The following TRIM37 variants were observed in gnomAD, a reference collection of about 807,000 sequenced individuals.
TRIM37 encodes the protein E3 ubiquitin-protein ligase TRIM37.
Under a neutral mutation model 129.8 loss-of-function variants are expected in TRIM37, and 80 were observed. The observed-to-expected ratio is 0.62, with a 90% CI of 0.51 to 0.74. TRIM37 has a LOEUF of 0.74. Among genes scored for constraint, TRIM37 ranks in the 30% least tolerant of loss-of-function variants. The probability of loss-of-function intolerance (pLI) is 0.00; values close to 1 mark genes in which losing one functional copy is unlikely to be tolerated. For missense variants in TRIM37, 1,054 were observed against 1,176.5 expected, an observed-to-expected ratio of 0.90 and a Z score of 1.52; for synonymous variants, 389 against 387.1, an observed-to-expected ratio of 1.00 and a Z score of -0.06.
chr17:59,089,411 A>ATGAG (rs2044076151), intron 3 of TRIM37, among the ~76,000 whole-genome samples: 1 of 152,140 alleles, frequency 6.6e-6, no homozygotes, highest in Non-Finnish European at 1.5e-5. Context: ...GGGAGGCCAC[A>ATGAG]GCGGGTGGAT....
the TRIM37 span, among the ~76,000 whole-genome samples, chr17:58,971,592 G>T: frequency 6.6e-6 from 1 of 152,172 alleles, no homozygotes; most frequent in Non-Finnish European, 1.5e-5. Flanking sequence ...GTACTCCAGG[G>T]AACGTAAGCT....
At chr17:59,031,050 T>C (rs1449044102) in intron 18 of TRIM37, among the ~76,000 whole-genome samples, 1 of 152,152 alleles carries the variant, frequency 6.6e-6, no homozygotes, top group Non-Finnish European at 1.5e-5. Flanking sequence ...ATCTGGCTCT[T>C]AGGAAAGAAG....
chr17:58,998,207 T>C lies in TRIM37; in HGVS notation c.*1170A>G. ...TAATAAACAGCAGAGGCATATTTTC[T>C]CAAGTTGATTTTATTAACAAAAAGT... On this transcript the variant is annotated 3_prime_UTR_variant, in exon 24 of 24. Transcript: ENST00000262294. 7 of 985,398 alleles carry C rather than the reference T, an allele frequency of 7.1e-6. No homozygotes were observed. The highest frequency in any genetic ancestry group is 8.4e-6 in the Non-Finnish European group (7 of 829,880). The allele number at this position is 985,398 out of a possible 1,614,324, so 61.0% of individuals were successfully genotyped here. A position where few individuals can be genotyped will look rare whatever the true frequency, so the allele number is the denominator to read the frequency against.
chr17:58,983,396 C>T (rs763136290), intron 24 of TRIM37: 1 of 153,224 alleles, frequency 6.5e-6, no homozygotes, highest in Non-Finnish European at 1.5e-5. Context: ...ATATATGCTG[C>T]TCTTGGTTCT....
chr17:59,001,309 C>CTA (rs1312041176), intron 23 of TRIM37, among the ~76,000 whole-genome samples: 1 of 151,418 alleles, frequency 6.6e-6, no homozygotes, highest in East Asian at 1.9e-4. Flanking sequence ...AGGTCACAGA[C>CTA]TATACAAAAG....
chr17:59,011,028 G>A (rs1181444220), intron 22 of TRIM37, among the ~76,000 whole-genome samples: 1 of 151,994 alleles, frequency 6.6e-6, no homozygotes, highest in Non-Finnish European at 1.5e-5. Flanking sequence ...AAATTAGCCA[G>A]GTGTGTTGGC....
At chr17:59,035,262 T>A (rs2038337938) in intron 17 of TRIM37, among the ~76,000 whole-genome samples, 1 of 151,890 alleles carries the variant, frequency 6.6e-6, no homozygotes, top group East Asian at 2.0e-4. Context: ...GGTTTCGCCA[T>A]GTTGGCCAGG....
intron 8 of TRIM37, 36 bp from the exon 9 acceptor site, chr17:59,070,983 T>C: frequency 2.5e-6 from 4 of 1,611,314 alleles, no homozygotes; most frequent in South Asian, 1.1e-5. Context: ...ACAAACAAAA[T>C]TACTATTCAC....
intron 8 of TRIM37, among the ~76,000 whole-genome samples, chr17:59,074,015 GTTGT>G (rs937453280): frequency 2.0e-4 from 30 of 152,170 alleles, no homozygotes; most frequent in African/African-American, 7.2e-4. Context: ...CAGTAACACA[GTTGT>G]TTATTATGCT....
In TRIM37 at chr17:59,028,676, A is replaced by T; in HGVS notation, c.1996T>A (p.Trp666Arg). 6.2e-7 allele frequency: 1 copy of T among 1,614,232 alleles called. No homozygotes were observed. Among genetic ancestry groups the T allele is most frequent in the South Asian group, 1.1e-5 (1 of 91,082 alleles). The part of the protein sequence containing the change: ...DKDQRKQQAM[W>R]RVPSDLKMLK... Reference sequence around the variant, plus strand: ...ATCTTTAAATCAGAGGGCACTCGCCACATTGCCTGTTGCTTCCTTTGGTCT... The same window carrying T: ...ATCTTTAAATCAGAGGGCACTCGCCTCATTGCCTGTTGCTTCCTTTGGTCT... The change falls in exon 19 of 24, where the codon TGG becomes AGG. Residue 666 changes from tryptophan to arginine, a missense_variant. Physicochemically the swap from Trp to Arg is moderately radical, Grantham distance 101. Transcript: ENST00000262294.
chr17:59,009,606 C>T (rs780825878), intron 22 of TRIM37, among the ~76,000 whole-genome samples: 6 of 151,290 alleles, frequency 4.0e-5, no homozygotes, highest in Non-Finnish European at 8.8e-5. Flanking sequence ...CCACCACACT[C>T]AGCTAATTTT....
chr17:59,020,498 ATAAATT>A (rs2036487180), intron 19 of TRIM37, among the ~76,000 whole-genome samples: 1 of 152,088 alleles, frequency 6.6e-6, no homozygotes, highest in Non-Finnish European at 1.5e-5. Context: ...CTGTATATCA[ATAAATT>A]TAAAGACCCA....
intron 22 of TRIM37, among the ~76,000 whole-genome samples, chr17:59,004,524 G>C (rs370832040): frequency 2.6e-5 from 4 of 151,898 alleles, no homozygotes; most frequent in Non-Finnish European, 5.9e-5. Flanking sequence ...TGAAAAGATC[G>C]ATAAAGTTAA....
At chr17:58,999,553 T>C in intron 23 of TRIM37, 94 bp from the exon 24 acceptor site, 1 of 1,060,736 alleles carries the variant, frequency 9.4e-7, no homozygotes, top group Non-Finnish European at 1.4e-6. Context: ...TCTTACCAAA[T>C]GTGTTATTTA....
In TRIM37 at chr17:58,999,045, C is replaced by A; in HGVS notation, c.*332G>T. ...GGCGGGTTACTGACGGCATGCAGGG[C>A]CTGGAGGTACATTTTCTGGCAGTTA... On this transcript the variant is annotated 3_prime_UTR_variant, in exon 24 of 24. Coordinates refer to ENST00000262294, the MANE Select transcript of TRIM37 (RefSeq NM_015294.6). 8.6e-7 allele frequency: 1 copy of A among 1,159,270 alleles called. No homozygotes were observed. Among genetic ancestry groups the A allele is most frequent in the Non-Finnish European group, 1.1e-6 (1 of 933,774 alleles). The allele number at this position is 1,159,270 out of a possible 1,614,324, so 71.8% of individuals were successfully genotyped here. A position where few individuals can be genotyped will look rare whatever the true frequency, so the allele number is the denominator to read the frequency against.
chr17:59,087,604 C>T (rs1248984457), intron 4 of TRIM37, among the ~76,000 whole-genome samples: 2 of 151,668 alleles, frequency 1.3e-5, no homozygotes, highest in African/African-American at 4.8e-5. Flanking sequence ...TCTCTTATTT[C>T]TATGGTTCTA....
chr17:59,090,981 A>T (rs1457393745), intron 3 of TRIM37, among the ~76,000 whole-genome samples: 3 of 152,144 alleles, frequency 2.0e-5, no homozygotes, highest in African/African-American at 4.8e-5. Flanking sequence ...TTGCTTAATT[A>T]TAAAAGATAA....
chr17:59,009,335 C>T (rs751489471), intron 22 of TRIM37, among the ~76,000 whole-genome samples: 92 of 152,124 alleles, frequency 6.0e-4, no homozygotes, highest in Middle Eastern at 3.4e-3. Flanking sequence ...ACCATGTTGG[C>T]CAGGCTGGTC....
intron 17 of TRIM37, among the ~76,000 whole-genome samples, chr17:59,036,481 T>TGTGC (rs2038518705): frequency 1.3e-5 from 2 of 149,750 alleles, no homozygotes; most frequent in African/African-American, 4.9e-5. Context: ...TGTGTGTGTG[T>TGTGC]GTGCACGCGT....
Sources: allele counts gnomAD v4.1 joint callset (sites outside exome capture counted in the v4.1 genomes callset), GRCh38; gene constraint gnomAD v4.1.1; transcripts MANE v1.5; gene names NCBI Gene and HGNC (gene_info 2026-07-23, HGNC 2026-07-21).